ADAMTS16: variants seen among roughly 807,000 people sequenced by gnomAD.
ADAMTS16 encodes the protein A disintegrin and metalloproteinase with thrombospondin motifs 16.
In ADAMTS16, 94 loss-of-function variants were observed where a neutral mutation model predicts 145.8. The observed-to-expected ratio is 0.64, with a 90% CI of 0.55 to 0.77. ADAMTS16 has a LOEUF of 0.77. Ranked by LOEUF, ADAMTS16 falls within the 30% of genes least tolerant of loss-of-function variation. The probability of loss-of-function intolerance (pLI) is 0.00; values close to 1 mark genes in which losing one functional copy is unlikely to be tolerated. For missense variants in ADAMTS16, 1,585 were observed against 1,591.5 expected (o/e 1.00, Z 0.07); for synonymous variants, 659 against 604.3 (o/e 1.09, Z -1.33).
chr5:5,229,318 A>AG (rs1346308163), intron 11 of ADAMTS16, among the ~76,000 whole-genome samples: 1 of 151,580 alleles, frequency 6.6e-6, no homozygotes, highest in East Asian at 1.9e-4. Flanking sequence ...AAAAAAAAAA[A>AG]AAAAAAGAAG....
chr5:5,140,503 G>T lies in ADAMTS16; in HGVS notation c.36G>T (p.Ala12=). The change falls in exon 1 of 23, where the codon GCG becomes GCT. Residue 12 remains alanine (A), a synonymous_variant. Transcript: ENST00000274181. The part of the protein sequence containing the change: ...KPRARGWRGL[A]ALWMLLAQVA... ...GCGCGCGCGGATGGCGGGGCTTGGC[G>T]GCGCTGTGGATGCTGTTGGCGCAGG... 1 of 1,519,318 alleles carries T rather than the reference G, an allele frequency of 6.6e-7. No homozygotes were observed. Among genetic ancestry groups the T allele is most frequent in the South Asian group, 1.2e-5 (1 of 82,352 alleles). The allele number at this position is 1,519,318 out of a possible 1,614,324, so 94.1% of individuals were successfully genotyped here.
intron 9 of ADAMTS16, among the ~76,000 whole-genome samples, chr5:5,203,395 A>G (rs1321109438): frequency 2.0e-5 from 3 of 152,184 alleles, no homozygotes; most frequent in Admixed American, 6.5e-5. Context: ...TTCTCCACCA[A>G]TTAGGTGGCT....
chr5:5,276,000 A>G (rs915501532), intron 18 of ADAMTS16, among the ~76,000 whole-genome samples: 3 of 152,132 alleles, frequency 2.0e-5, no homozygotes, highest in Non-Finnish European at 2.9e-5. Context: ...CTGGGATTAC[A>G]GGCATGCACC....
chr5:5,235,175 C>T lies in ADAMTS16; in HGVS notation c.2012C>T (p.Thr671Ile). Residue 671 changes from threonine (T) to isoleucine (I), a missense_variant, in exon 13 of 23, where the codon ACT becomes ATT. This residue lies in a region of ADAMTS16 where 834 missense variants were observed against 811.7 expected (regional missense o/e 1.03). Transcript: ENST00000274181. Reference sequence around the variant, plus strand: ...CGGCACTACAAGTGGAAGCCTTACACTCAAGTAGAAGGTAAATCTCAAACT... The same window carrying T: ...CGGCACTACAAGTGGAAGCCTTACATTCAAGTAGAAGGTAAATCTCAAACT... ...RGRHYKWKPY[T>I]QVEDQDLCKL... 6.4e-7 allele frequency: 1 copy of T among 1,570,916 alleles called. No individual in the cohort carries two copies. The highest frequency in any genetic ancestry group is 8.7e-7 in the Non-Finnish European group (1 of 1,148,210).
At chr5:5,142,824 A>G (rs542330289) in intron 2 of ADAMTS16, among the ~76,000 whole-genome samples, 2 of 152,306 alleles carry the variant, frequency 1.3e-5, no homozygotes, top group South Asian at 4.1e-4. Flanking sequence ...GGCTACAGTA[A>G]CCAAAAAAGC....
intron 11 of ADAMTS16, among the ~76,000 whole-genome samples, chr5:5,228,560 C>T (rs983995147): frequency 6.6e-6 from 1 of 152,026 alleles, no homozygotes; most frequent in African/African-American, 2.4e-5. Context: ...AACTCAGTAA[C>T]AATAACCACC....
chr5:5,146,727 G>T (rs768329598), intron 3 of ADAMTS16, among the ~76,000 whole-genome samples: 3 of 152,126 alleles, frequency 2.0e-5, no homozygotes, highest in African/African-American at 7.2e-5. Context: ...TATAAGAACC[G>T]CTGGCCAAAT....
intron 18 of ADAMTS16, among the ~76,000 whole-genome samples, chr5:5,266,848 A>T (rs1738255944): frequency 6.6e-6 from 1 of 152,158 alleles, no homozygotes; most frequent in Admixed American, 6.5e-5. Flanking sequence ...TTTTAAATCT[A>T]TCAAAACATC....
At position 5,306,581 on chromosome 5, in the gene ADAMTS16, A is replaced by C; in HGVS notation, c.3264A>C (p.Arg1088=). The C allele has an allele frequency of 6.2e-7, 1 of 1,614,232 alleles. No homozygotes were observed. The highest frequency in any genetic ancestry group is 1.1e-5 in the South Asian group (1 of 91,080). The change falls in exon 21 of 23, where the codon CGA becomes CGC. Residue 1088 remains arginine (R), a synonymous_variant. Coordinates refer to ENST00000274181, the MANE Select transcript of ADAMTS16 (RefSeq NM_139056.4). ...CAEKYVSGKY[R]ELASKKCSHL... ...AAAAGTATGTTTCTGGAAAGTATCGAGAGCTGGCCTCAAAGAAGTGCTCAC... is the reference window on the plus strand; with the variant it reads ...AAAAGTATGTTTCTGGAAAGTATCGCGAGCTGGCCTCAAAGAAGTGCTCAC...
intron 21 of ADAMTS16, among the ~76,000 whole-genome samples, chr5:5,307,250 G>C (rs1346961222): frequency 6.6e-6 from 1 of 152,126 alleles, no homozygotes; most frequent in Non-Finnish European, 1.5e-5. Context: ...TTCTGCTTTC[G>C]GGTCGGGGTG....
chr5:5,152,250 GAA>G (rs1245329366), intron 3 of ADAMTS16, among the ~76,000 whole-genome samples: 1 of 152,226 alleles, frequency 6.6e-6, no homozygotes, highest in Non-Finnish European at 1.5e-5. Flanking sequence ...GGGACTGCTA[GAA>G]TGGCTTGCTT....
At chr5:5,266,620 A>T (rs1396438321) in intron 18 of ADAMTS16, among the ~76,000 whole-genome samples, 1 of 152,136 alleles carries the variant, frequency 6.6e-6, no homozygotes, top group African/African-American at 2.4e-5. Context: ...ATACTGCCCA[A>T]AGGGACGTCC....
rs563230062 is a variant in ADAMTS16 at position 5,164,130 on chromosome 5, G to T, written c.501+17675G>T. Among the ~76,000 whole-genome samples, 30 of 152,308 alleles carry T rather than the reference G, an allele frequency of 2.0e-4. No homozygotes were observed. The South Asian group carries it at 6.2e-3, about 32-fold the overall frequency. On this transcript the variant is annotated intron_variant, in intron 3 of 22. Transcript: ENST00000274181. ...ATGCAGAAGGCGGCAAACTCCATAG[G>T]TAACCTTCAACCTATCAGTCCCGTT...
intron 10 of ADAMTS16, among the ~76,000 whole-genome samples, chr5:5,220,606 C>T (rs1056760861): frequency 6.6e-6 from 1 of 152,144 alleles, no homozygotes; most frequent in African/African-American, 2.4e-5. Flanking sequence ...GCCATTGTCT[C>T]CTCAAGCCCT....
intron 21 of ADAMTS16, among the ~76,000 whole-genome samples, chr5:5,316,786 T>C (rs915432450): frequency 2.0e-5 from 3 of 152,152 alleles, no homozygotes; most frequent in South Asian, 2.1e-4. Flanking sequence ...ACTGTAAAGA[T>C]TGGCTTGTCA....
At chr5:5,292,825 T>C (rs933921139) in intron 18 of ADAMTS16, among the ~76,000 whole-genome samples, 3 of 152,194 alleles carry the variant, frequency 2.0e-5, no homozygotes, top group African/African-American at 7.2e-5. Flanking sequence ...ACACATTTGT[T>C]TGTCATCCCT....
intron 7 of ADAMTS16, among the ~76,000 whole-genome samples, chr5:5,190,490 T>C (rs556293297): frequency 2.6e-5 from 4 of 152,304 alleles, no homozygotes; most frequent in Admixed American, 6.5e-5. Flanking sequence ...TCTGTGGAGA[T>C]ACTACGACCA....
At position 5,146,199 on chromosome 5, in the gene ADAMTS16, A is replaced by G. The variant is rs1165110182; in HGVS notation, c.245A>G (p.His82Arg). 1 of 1,614,080 alleles carries G rather than the reference A, an allele frequency of 6.2e-7. No homozygotes were observed. Among genetic ancestry groups the G allele is most frequent in the Non-Finnish European group, 8.5e-7 (1 of 1,180,048 alleles). ...TACGTGTCCCATGAAATCATGCACCATCAGCGGCGGAGAAGAGCAGTGCCC... is the reference window on the plus strand; with the variant it reads ...TACGTGTCCCATGAAATCATGCACCGTCAGCGGCGGAGAAGAGCAGTGCCC... Reference protein sequence around the residue: ...GDYVSHEIMHHQRRRRAVPVS... With the variant: ...GDYVSHEIMHRQRRRRAVPVS... Residue 82 changes from histidine (H) to arginine (R), a missense_variant, in exon 3 of 23, where the codon CAT becomes CGT. By Grantham distance (29) the His-to-Arg change is conservative. This residue lies in a region of ADAMTS16 where 453 missense variants were observed against 412.1 expected (regional missense o/e 1.10). Transcript: ENST00000274181.
At position 5,179,018 on chromosome 5, in the gene ADAMTS16, G is replaced by A. The variant is rs142521101; in HGVS notation, c.502-3026G>A. Among the ~76,000 whole-genome samples the A allele has an allele frequency of 5.3e-5, 8 of 151,926 alleles. No individual in the cohort carries two copies. In the South Asian group the frequency reaches 6.3e-4, roughly 12 times the overall value. On this transcript the variant is annotated intron_variant, in intron 3 of 22. Transcript: ENST00000274181. ...GAAGGAAAGCAAAGATCATCAGGGC[G>A]AAGCATAATATTTTACATCCTTCGT...
Sources: allele counts gnomAD v4.1 joint callset (sites outside exome capture counted in the v4.1 genomes callset), GRCh38; gene constraint gnomAD v4.1.1; regional missense constraint gnomAD v4.1.1; transcripts MANE v1.5; gene names NCBI Gene and HGNC (gene_info 2026-07-23, HGNC 2026-07-21).